Variants in DOK6 observed in about 807,000 individuals in gnomAD.
The protein encoded by DOK6 is docking protein 6, also known as downstream of tyrosine kinase 6.
Under a neutral mutation model 44.0 loss-of-function variants are expected in DOK6, and 22 were observed. The observed-to-expected ratio is 0.50, with a 90% confidence interval of 0.36 to 0.71. DOK6 has a LOEUF of 0.71. Ranked by LOEUF, DOK6 falls within the 30% of genes least tolerant of loss-of-function variation. The probability of loss-of-function intolerance (pLI) is 0.00; values close to 1 mark genes in which losing one functional copy is unlikely to be tolerated. For synonymous variants in DOK6, 166 were observed against 145.5 expected (o/e 1.14, Z -1.01); for missense variants, 340 against 416.4 (o/e 0.82, Z 1.60).
At chr18:69,588,103 G>A (rs1303665896) in intron 2 of DOK6, among the ~76,000 whole-genome samples, 1 of 152,154 alleles carries the variant, frequency 6.6e-6, no homozygotes, top group African/African-American at 2.4e-5. Context: ...GTACTAGCCT[G>A]AGAACTAAGA....
At chr18:69,659,566 C>G (rs1392869543) in intron 3 of DOK6, among the ~76,000 whole-genome samples, 1 of 152,008 alleles carries the variant, frequency 6.6e-6, no homozygotes, top group African/African-American at 2.4e-5. Flanking sequence ...CAAGGGCACT[C>G]GGGACATGAG....
chr18:69,777,463 T>C (rs1339774771), intron 7 of DOK6, among the ~76,000 whole-genome samples: 2 of 152,144 alleles, frequency 1.3e-5, no homozygotes, highest in Non-Finnish European at 2.9e-5. Context: ...TCACTTTCAC[T>C]TGTAACTCCT....
intron 1 of DOK6, among the ~76,000 whole-genome samples, chr18:69,535,488 T>TA (rs1328173298): frequency 1.3e-5 from 2 of 151,924 alleles, no homozygotes; most frequent in African/African-American, 2.4e-5. Flanking sequence ...TGGGGTGTTT[T>TA]AAAAAACCTT....
intron 1 of DOK6, among the ~76,000 whole-genome samples, chr18:69,531,528 C>T (rs1298215743): frequency 6.6e-6 from 1 of 151,368 alleles, no homozygotes; most frequent in Non-Finnish European, 1.5e-5. Context: ...TTGAGAATTC[C>T]TTAAATGAAG....
chr18:69,699,839 T>C (rs1338946272), intron 5 of DOK6, among the ~76,000 whole-genome samples: 1 of 152,142 alleles, frequency 6.6e-6, no homozygotes, highest in East Asian at 1.9e-4. Context: ...GGTAGTATAT[T>C]AATCCATTTT....
intron 5 of DOK6, among the ~76,000 whole-genome samples, chr18:69,725,964 C>T (rs931141705): frequency 6.6e-6 from 1 of 152,144 alleles, no homozygotes; most frequent in African/African-American, 2.4e-5. Flanking sequence ...CACAACTGAA[C>T]TTCTCTCGCT....
chr18:69,680,493 T>C (rs1986020171), intron 4 of DOK6, among the ~76,000 whole-genome samples: 1 of 152,238 alleles, frequency 6.6e-6, no homozygotes, highest in Non-Finnish European at 1.5e-5. Flanking sequence ...CTAGAACTTT[T>C]TAAAATTTGC....
At chr18:69,474,281 T>C (rs1427298497) in intron 1 of DOK6, among the ~76,000 whole-genome samples, 1 of 152,092 alleles carries the variant, frequency 6.6e-6, no homozygotes, top group East Asian at 1.9e-4. Context: ...TCTTCCTTTC[T>C]CTCTTTCATT....
chr18:69,403,658 T>A (rs1226944347), intron 1 of DOK6, among the ~76,000 whole-genome samples: 1 of 152,226 alleles, frequency 6.6e-6, no homozygotes, highest in African/African-American at 2.4e-5. Flanking sequence ...GGAACTTTTT[T>A]TTTAAGTCAG....
intron 5 of DOK6, among the ~76,000 whole-genome samples, chr18:69,736,281 T>C (rs1978602989): frequency 6.6e-6 from 1 of 151,622 alleles, no homozygotes. Context: ...TTTTGAATCC[T>C]ATATTGTTAT....
intron 7 of DOK6, among the ~76,000 whole-genome samples, chr18:69,822,318 C>T (rs1981597196): frequency 6.6e-6 from 1 of 152,188 alleles, no homozygotes; most frequent in Non-Finnish European, 1.5e-5. Flanking sequence ...ATTAGCCTGC[C>T]ACAGTTTCAT....
chr18:69,496,995 G>A (rs897737792), intron 1 of DOK6, among the ~76,000 whole-genome samples: 26 of 152,236 alleles, frequency 1.7e-4, no homozygotes, highest in Admixed American at 1.2e-3. Flanking sequence ...AATGTACTAG[G>A]CATTGTTCTA....
intron 3 of DOK6, among the ~76,000 whole-genome samples, chr18:69,619,809 G>C (rs1984398221): frequency 6.6e-6 from 1 of 152,088 alleles, no homozygotes; most frequent in Non-Finnish European, 1.5e-5. Flanking sequence ...GTGGTGTTGT[G>C]AACATGTGTG....
intron 3 of DOK6, among the ~76,000 whole-genome samples, chr18:69,613,222 T>A (rs969637447): frequency 6.6e-6 from 1 of 152,198 alleles, no homozygotes; most frequent in Non-Finnish European, 1.5e-5. Context: ...GTGCTTGTGA[T>A]GTGAGAGTGA....
At chr18:69,622,979 C>G (rs564322180) in intron 3 of DOK6, among the ~76,000 whole-genome samples, 3 of 152,316 alleles carry the variant, frequency 2.0e-5, no homozygotes, top group African/African-American at 7.2e-5. Context: ...TGGTTTGGCT[C>G]TGGGTCCCCA....
chr18:69,605,037 C>T (rs1010912542), intron 3 of DOK6, among the ~76,000 whole-genome samples: 38 of 148,192 alleles, frequency 2.6e-4, no homozygotes, highest in African/African-American at 9.1e-4. Context: ...TTCAAAAAAT[C>T]CTTGTAGTTT....
chr18:69,786,033 GGTTT>G (rs1315670046), intron 7 of DOK6, among the ~76,000 whole-genome samples: 5 of 151,914 alleles, frequency 3.3e-5, no homozygotes, highest in African/African-American at 9.7e-5. Flanking sequence ...TTGCATATTT[GGTTT>G]GTTTATCAAT....
intron 3 of DOK6, among the ~76,000 whole-genome samples, chr18:69,617,416 A>T (rs916337033): frequency 2.7e-5 from 4 of 150,502 alleles, no homozygotes; most frequent in Non-Finnish European, 4.4e-5. Flanking sequence ...GCGATAGGAG[A>T]AAAGAAAAAG....
At chr18:69,615,691 A>G (rs1156383353) in intron 3 of DOK6, among the ~76,000 whole-genome samples, 1 of 152,214 alleles carries the variant, frequency 6.6e-6, no homozygotes. Context: ...CACCTCCACC[A>G]AAAGTTTACA....
Sources: gnomAD v4.1 joint callset for allele counts (sites outside exome capture counted in the v4.1 genomes callset) on GRCh38, gnomAD v4.1.1 for gene constraint, MANE v1.5 for transcripts, NCBI Gene and HGNC (gene_info 2026-07-23, HGNC 2026-07-21) for gene names.